The following C6orf132 variants were observed in gnomAD, a reference collection of about 807,000 sequenced individuals.
C6orf132 encodes chromosome 6 open reading frame 132, also known as uncharacterized protein C6orf132.
Under a neutral mutation model 65.3 loss-of-function variants are expected in C6orf132, and 43 were observed. The observed-to-expected ratio is 0.66, with a 90% CI of 0.52 to 0.85. The LOEUF (loss-of-function observed/expected upper bound fraction) is 0.85, where lower values mean the gene tolerates loss of function less well. Among genes scored for constraint, C6orf132 ranks in the 40% least tolerant of loss-of-function variants. The pLI is 0.00. For synonymous variants in C6orf132, 631 were observed against 654.1 expected, an observed-to-expected ratio of 0.96 and a Z score of 0.54; for missense variants, 1,488 against 1,548.8, an observed-to-expected ratio of 0.96 and a Z score of 0.66.
At chr6:42,139,389 T>C (rs759262515) in intron 1 of C6orf132, among the ~76,000 whole-genome samples, 5 of 151,796 alleles carry the variant, frequency 3.3e-5, no homozygotes, top group Non-Finnish European at 5.9e-5. Flanking sequence ...CAATAATAAA[T>C]CATGCCTTAG....
At chr6:42,130,805 T>TA (rs912395259) in intron 1 of C6orf132, among the ~76,000 whole-genome samples, 3 of 151,956 alleles carry the variant, frequency 2.0e-5, no homozygotes, top group African/African-American at 7.3e-5. Context: ...GGAGTCTTTT[T>TA]TTTTTGGTTA....
At chr6:42,120,915 C>T (rs1232553164) in intron 2 of C6orf132, among the ~76,000 whole-genome samples, 1 of 152,234 alleles carries the variant, frequency 6.6e-6, no homozygotes, top group East Asian at 1.9e-4. Context: ...GCCACCGCGC[C>T]TGGCCTAGTT....
rs1433163016 is a variant in C6orf132, at chr6:42,128,704, T to C, written c.220A>G (p.Arg74Gly). ...AGGAAGGTCAGCAGGGGCCGGACTC[T>C]TGGCCGAGCTTTCAGCGTGGCTGTT... ...SGTATLKARP[R>G]VRPLLTFLPL... Residue 74 changes from arginine to glycine, a missense_variant, in exon 2 of 5, where the codon AGA (arginine) becomes GGA (glycine). Coordinates refer to ENST00000341865, the MANE Select transcript of C6orf132 (RefSeq NM_001164446.3). The C allele has an allele frequency of 1.9e-6, 3 of 1,551,436 alleles. No individual in the cohort carries two copies. Among genetic ancestry groups the C allele is most frequent in the African/African-American group, 1.4e-5 (1 of 73,036 alleles).
At chr6:42,114,284 G>A (rs772504948) in intron 2 of C6orf132, among the ~76,000 whole-genome samples, 16 of 152,130 alleles carry the variant, frequency 1.1e-4, no homozygotes, top group East Asian at 5.8e-4. Flanking sequence ...CCATGCTTGC[G>A]GTGCTGTGAC....
At chr6:42,126,847 C>CA (rs35231653) in intron 2 of C6orf132, 47,583 of 344,494 alleles carry the variant, frequency 0.14, 500 homozygotes, top group Middle Eastern at 0.16. Context: ...ACTCAGTCTG[C>CA]AAAAAAAAAA....
In C6orf132 at chr6:42,106,241, G is replaced by A. The variant is rs1410165071; in HGVS notation, c.1671C>T (p.Asp557=). Residue 557 remains aspartate (D), a synonymous_variant, in exon 4 of 5, where the codon GAC becomes GAT. Transcript: ENST00000341865. The part of the protein sequence containing the change: ...TLPSVDYIPQ[D]SPTPSVRQIR... Reference sequence around the variant, plus strand: ...TCTGCCGCACACTGGGAGTTGGAGAGTCTTGGGGAATGTAGTCCACAGAGG... The same window carrying A: ...TCTGCCGCACACTGGGAGTTGGAGAATCTTGGGGAATGTAGTCCACAGAGG... 1 of 1,537,106 alleles carries A rather than the reference G, an allele frequency of 6.5e-7. No homozygotes were observed. The highest frequency in any genetic ancestry group is 1.4e-5 in the African/African-American group (1 of 73,056).
At chr6:42,136,161 CAAA>C (rs5875794) in intron 1 of C6orf132, among the ~76,000 whole-genome samples, 45 of 142,548 alleles carry the variant, frequency 3.2e-4, no homozygotes, top group Admixed American at 4.2e-4. Flanking sequence ...GTAAGCCATC[CAAA>C]AAAAAAAAAA....
Position 42,104,903 on chromosome 6 carries a change from G to A in C6orf132, c.3009C>T (p.Leu1003=). 6.9e-7 allele frequency: 1 copy of A among 1,453,670 alleles called. No homozygotes were observed. The highest frequency in any genetic ancestry group is 1.4e-5 in the South Asian group (1 of 70,962). The allele number at this position is 1,453,670 out of a possible 1,614,324, so 90.0% of individuals were successfully genotyped here. A position where few individuals can be genotyped will look rare whatever the true frequency, so the allele number is the denominator to read the frequency against. ...GGGAGCTCTGGCGGCCCAGATACTGGAGGGCCGGGGCCGGGGGCTCAGGGT... is the reference window on the plus strand; with the variant it reads ...GGGAGCTCTGGCGGCCCAGATACTGAAGGGCCGGGGCCGGGGGCTCAGGGT... ...SNDPEPPAPA[L]QYLGRQSSPP... Residue 1003 remains leucine (L), a synonymous_variant, in exon 4 of 5, where the codon CTC becomes CTT. Transcript: ENST00000341865. The surrounding 1 kb of genome is among the most constrained non-coding windows in gnomAD (Gnocchi z 4.1).
intron 2 of C6orf132, among the ~76,000 whole-genome samples, chr6:42,123,857 T>C (rs1471355323): frequency 6.6e-6 from 1 of 152,146 alleles, no homozygotes. Context: ...TGAAGTTTGG[T>C]GGCTCAAATC....
At chr6:42,121,983 G>A (rs1766693016) in intron 2 of C6orf132, among the ~76,000 whole-genome samples, 1 of 152,206 alleles carries the variant, frequency 6.6e-6, no homozygotes, top group Non-Finnish European at 1.5e-5. Context: ...TGGCCTGGTG[G>A]ACGTGGTAGA....
rs1201218621 is a variant in C6orf132, at chr6:42,142,334, G to A, written c.111C>T (p.Thr37=). 6.4e-7 allele frequency: 1 copy of A among 1,551,192 alleles called. No individual in the cohort carries two copies. Among genetic ancestry groups the A allele is most frequent in the African/African-American group, 1.4e-5 (1 of 73,006 alleles). Residue 37 remains threonine (T), a synonymous_variant, in exon 1 of 5, where the codon ACC becomes ACT. Coordinates refer to ENST00000341865, the MANE Select transcript of C6orf132 (RefSeq NM_001164446.3). ...CGGTCCCCTCCTCCGGGGCCTCCTG[G>A]GTGAAGATCCAGGGCGGATTGGTGG... ...LYATNPPWIF[T]QEAPEEGTGG...
rs1341282279 is a variant in C6orf132 at position 42,142,460 on chromosome 6, G to C, written c.-16C>G. On this transcript the variant is annotated 5_prime_UTR_variant, in exon 1 of 5. Transcript: ENST00000341865. ...TCTTTTTCATGCTGCCGCAGCCCGC[G>C]CGGGCGCCAGGGAAGGACCTTCCCT... The C allele has an allele frequency of 1.2e-5, 18 of 1,548,552 alleles. No homozygotes were observed. Among genetic ancestry groups the C allele is most frequent in the African/African-American group, 2.7e-5 (2 of 72,882 alleles).
At position 42,110,621 on chromosome 6, in the gene C6orf132, C is replaced by T. The variant is rs1329287919; in HGVS notation, c.253-330G>A. ...CAAGATTTTTGTCAACTGATCAATACATAACCATAACCTTGTTTTAGCTGT... is the reference window on the plus strand; with the variant it reads ...CAAGATTTTTGTCAACTGATCAATATATAACCATAACCTTGTTTTAGCTGT... On this transcript the variant is annotated intron_variant, in intron 2 of 4. Transcript: ENST00000341865. Among the ~76,000 whole-genome samples, 3 of 152,212 alleles carry T rather than the reference C, an allele frequency of 2.0e-5. No homozygotes were observed. The East Asian group carries it at 5.8e-4, about 29-fold the overall frequency.
chr6:42,119,601 C>T (rs1766647366), intron 2 of C6orf132, among the ~76,000 whole-genome samples: 3 of 151,956 alleles, frequency 2.0e-5, no homozygotes, highest in South Asian at 4.1e-4. Context: ...CCCACCTCGG[C>T]CTCCCAAAGT....
intron 1 of C6orf132, among the ~76,000 whole-genome samples, chr6:42,131,435 T>C (rs558870551): frequency 6.6e-6 from 1 of 152,334 alleles, no homozygotes; most frequent in East Asian, 1.9e-4. Flanking sequence ...GTTTTACAGA[T>C]GAGGAAACTG....
intron 2 of C6orf132, among the ~76,000 whole-genome samples, chr6:42,111,922 C>G (rs1004641502): frequency 6.6e-6 from 1 of 152,074 alleles, no homozygotes; most frequent in African/African-American, 2.4e-5. Context: ...GGGTAGTTTT[C>G]AAGGTCCCCA....
intron 3 of C6orf132, among the ~76,000 whole-genome samples, chr6:42,108,004 G>A (rs1766440928): frequency 6.6e-6 from 1 of 152,156 alleles, no homozygotes; most frequent in Non-Finnish European, 1.5e-5. Context: ...GTCCTGTCGG[G>A]GTGTCCCTCT....
chr6:42,135,747 GGCACTATTCTAA>G (rs1766931625), intron 1 of C6orf132, among the ~76,000 whole-genome samples: 1 of 152,190 alleles, frequency 6.6e-6, no homozygotes, highest in South Asian at 2.1e-4. Flanking sequence ...TTATGAGCAA[GGCACTATTCTAA>G]GCCCTCACCA....
intron 2 of C6orf132, among the ~76,000 whole-genome samples, chr6:42,121,179 T>C (rs1268653051): frequency 6.6e-6 from 1 of 152,078 alleles, no homozygotes; most frequent in Non-Finnish European, 1.5e-5. Flanking sequence ...TCCTGCAGAG[T>C]AGTGCTCAAG....
Sources: gnomAD v4.1 joint callset for allele counts (sites outside exome capture counted in the v4.1 genomes callset) on GRCh38, gnomAD v4.1.1 for gene constraint, Gnocchi (gnomAD v3.1) non-coding constraint, MANE v1.5 for transcripts, NCBI Gene and HGNC (gene_info 2026-07-23, HGNC 2026-07-21) for gene names.